BDP1: variants seen among roughly 807,000 people sequenced by gnomAD.
The protein encoded by BDP1 is transcription factor TFIIIB component B'' homolog.
A neutral mutation model predicts 266.6 loss-of-function variants in BDP1; 169 were observed. The ratio of observed to expected loss-of-function variants is 0.63; its 90% CI spans 0.56 to 0.72. The LOEUF is 0.72. BDP1 is among the 30% of genes least tolerant of loss of function. The pLI, the probability that BDP1 is intolerant of heterozygous loss-of-function variation, is 0.00. For missense variants in BDP1, 3,015 were observed against 3,053.8 expected (o/e 0.99, Z 0.30); for synonymous variants, 1,090 against 1,022.4 (o/e 1.07, Z -1.26).
intron 22 of BDP1, among the ~76,000 whole-genome samples, chr5:71,519,826 A>G (rs1765407134): frequency 6.6e-6 from 1 of 152,174 alleles, no homozygotes; most frequent in South Asian, 2.1e-4. Context: ...TTGGACATAC[A>G]CCTGGCAGTA....
intron 15 of BDP1, 128 bp from the exon 16 acceptor site, chr5:71,504,493 A>T: frequency 1.2e-6 from 1 of 803,378 alleles, no homozygotes; most frequent in East Asian, 2.7e-5. Flanking sequence ...CATTAAAAGT[A>T]TTTTAAAGTC....
At chr5:71,489,713 A>G (rs774941182) in intron 10 of BDP1, 31 bp downstream of exon 10, 31 of 1,556,846 alleles carry the variant, frequency 2.0e-5, no homozygotes, top group Non-Finnish European at 2.4e-5. Flanking sequence ...AAAAGCCTCT[A>G]TATTACTTGA....
chr5:71,514,562 A>C (rs916729492), intron 19 of BDP1, among the ~76,000 whole-genome samples: 1 of 152,300 alleles, frequency 6.6e-6, no homozygotes, highest in South Asian at 2.1e-4. Flanking sequence ...TTCCACTTAC[A>C]GTATTGTGAG....
At chr5:71,468,175 C>T (rs578183515) in intron 6 of BDP1, among the ~76,000 whole-genome samples, 81 of 151,894 alleles carry the variant, frequency 5.3e-4, no homozygotes, top group African/African-American at 1.9e-3. Context: ...TCTGCCACCA[C>T]CCCCAGCTAA....
chr5:71,519,310 T>C (rs1165777200), intron 22 of BDP1, among the ~76,000 whole-genome samples: 1 of 152,232 alleles, frequency 6.6e-6, no homozygotes, highest in Non-Finnish European at 1.5e-5. Context: ...CTTTTATCTT[T>C]ATATTGGCAA....
Position 71,562,423 on chromosome 5 carries a change from A to C in BDP1, c.7646A>C (p.Asn2549Thr). The change falls in exon 38 of 39, where the codon AAT becomes ACT. Residue 2549 changes from asparagine to threonine, a missense_variant. Physicochemically the swap from Asn to Thr is moderately conservative, Grantham distance 65. Transcript: ENST00000358731. ...RKKLKRSNPF[N>T]ESQEKNRESS... ...AAATTGAAAAGATCTAATCCATTCA[A>C]TGAAAGCCAGGAAAAAAATCGAGAG... 6.2e-6 allele frequency: 10 copies of C among 1,614,048 alleles called. No individual in the cohort carries two copies. The highest frequency in any genetic ancestry group is 8.5e-6 in the Non-Finnish European group (10 of 1,179,978).
At position 71,557,219 on chromosome 5, in the gene BDP1, G is replaced by A. The variant is rs113542897; in HGVS notation, c.7240+294G>A. 5.1e-3 allele frequency among the ~76,000 whole-genome samples: 770 copies of A among 151,376 alleles called. 8 individuals are homozygous for A. The highest frequency in any genetic ancestry group is 0.017 in the African/African-American group (719 of 41,244). The stretch of plus-strand genomic sequence containing the variant: ...AATGTAATGGCTTTTTTTCTCCCCC[G>A]CCCCGCCAAGACAGGTTCTCACTCT... On this transcript the variant is annotated intron_variant, in intron 36 of 38. Coordinates refer to ENST00000358731, the MANE Select transcript of BDP1 (RefSeq NM_018429.3).
intron 1 of BDP1, 120 bp downstream of exon 1, chr5:71,456,209 T>G: frequency 2.0e-6 from 2 of 975,794 alleles, no homozygotes; most frequent in Non-Finnish European, 3.0e-6. Context: ...AGCCTTTCAG[T>G]TGAGGCTTGA....
At chr5:71,492,369 G>T (rs114197295) in intron 11 of BDP1, among the ~76,000 whole-genome samples, 250 of 152,128 alleles carry the variant, frequency 1.6e-3, no homozygotes, top group African/African-American at 5.6e-3. Context: ...CAATGTACAG[G>T]GTTCCAGTTT....
rs144361319 is a variant in BDP1, at chr5:71,492,510, A to G, written c.1640+1379A>G. Among the ~76,000 whole-genome samples the G allele has an allele frequency of 3.0e-3, 459 of 152,280 alleles. 1 individual carries two copies. Among genetic ancestry groups the G allele is most frequent in the African/African-American group, 0.011 (444 of 41,570 alleles). On this transcript the variant is annotated intron_variant, in intron 11 of 38. Coordinates refer to ENST00000358731, the MANE Select transcript of BDP1 (RefSeq NM_018429.3). The stretch of plus-strand genomic sequence containing the variant: ...ATAATTATTGAGTTGAGCATCTTTC[A>G]TAGCTGTTAGCCATTTGTATATCTT...
intron 2 of BDP1, among the ~76,000 whole-genome samples, chr5:71,459,284 G>A (rs988555376): frequency 6.6e-6 from 1 of 152,190 alleles, no homozygotes; most frequent in African/African-American, 2.4e-5. Flanking sequence ...GGACTAGGGG[G>A]GCAGATCACT....
chr5:71,543,591 T>C (rs1187937997), intron 30 of BDP1, among the ~76,000 whole-genome samples: 1 of 151,896 alleles, frequency 6.6e-6, no homozygotes, highest in African/African-American at 2.4e-5. Context: ...CAAAGAAAAA[T>C]AAAAGGAAGA....
chr5:71,530,449 G>T (rs1461867752), intron 25 of BDP1, among the ~76,000 whole-genome samples: 2 of 151,746 alleles, frequency 1.3e-5, no homozygotes, highest in Non-Finnish European at 2.9e-5. Context: ...TTACCATGTT[G>T]TCCAGGCTGG....
chr5:71,512,479 C>T (rs553566987), intron 18 of BDP1, 51 bp downstream of exon 18: 9 of 1,223,944 alleles, frequency 7.4e-6, no homozygotes, highest in Middle Eastern at 2.9e-4. Flanking sequence ...TTGCAGATTA[C>T]GTTAAACTAA....
At chr5:71,542,365 C>A (rs1032038121) in intron 30 of BDP1, 100 bp downstream of exon 30, 4 of 1,079,476 alleles carry the variant, frequency 3.7e-6, no homozygotes, top group African/African-American at 3.3e-5. Flanking sequence ...TTTTAACTTA[C>A]AATAAAATAG....
At chr5:71,487,834 G>A (rs1763360960) in intron 9 of BDP1, among the ~76,000 whole-genome samples, 2 of 152,322 alleles carry the variant, frequency 1.3e-5, no homozygotes, top group Middle Eastern at 3.4e-3. Flanking sequence ...ATCAGTTAGG[G>A]TGGTAGGAAC....
intron 5 of BDP1, 84 bp from the exon 6 acceptor site, chr5:71,467,270 C>A: frequency 8.5e-7 from 1 of 1,177,796 alleles, no homozygotes; most frequent in Non-Finnish European, 1.2e-6. Flanking sequence ...CATGCTAAAC[C>A]TCAAAATATA....
chr5:71,510,729 G>A lies in BDP1; in HGVS notation c.3637G>A (p.Gly1213Ser), dbSNP rs763234645. Reference sequence around the variant, plus strand: ...AAGAGAAATATCGCCACAGGAAAATGGCCCAGAGGAGGTCAAGCCTGTAGG... The same window carrying A: ...AAGAGAAATATCGCCACAGGAAAATAGCCCAGAGGAGGTCAAGCCTGTAGG... ...TEREISPQEN[G>S]PEEVKPVGKM... is the part of the protein sequence containing the mutation. Residue 1213 changes from glycine to serine, a missense_variant, in exon 17 of 39, where the codon GGC becomes AGC. Physicochemically the swap from Gly to Ser is moderately conservative, Grantham distance 56 (BLOSUM62 0). Around this residue, in one of 3 missense-constraint regions of BDP1, gnomAD observed 2,383 missense variants for 2,404.9 expected, o/e 0.99. Coordinates refer to ENST00000358731, the MANE Select transcript of BDP1 (RefSeq NM_018429.3). The A allele has an allele frequency of 6.2e-7, 1 of 1,614,142 alleles. No homozygotes were observed. The highest frequency in any genetic ancestry group is 8.5e-7 in the Non-Finnish European group (1 of 1,180,016).
rs749214541 is a variant in BDP1, at chr5:71,539,571, A to G, written c.5944A>G (p.Ser1982Gly). The G allele has an allele frequency of 8.1e-6, 13 of 1,611,290 alleles. No individual in the cohort carries two copies. The highest frequency in any genetic ancestry group is 1.0e-5 in the Non-Finnish European group (12 of 1,178,668). Reference sequence around the variant, plus strand: ...TTCCTCACAAGGTACCAATGATGGAAGCACCGAAGCTGCAATAACTTTACT... The same window carrying G: ...TTCCTCACAAGGTACCAATGATGGAGGCACCGAAGCTGCAATAACTTTACT... ...IQDEPGTNDG[S>G]TEAAITLLTM... The change falls in exon 28 of 39, where the codon AGC becomes GGC. Residue 1982 changes from serine (S) to glycine (G), a missense_variant. Around this residue, in one of 3 missense-constraint regions of BDP1, gnomAD observed 2,383 missense variants for 2,404.9 expected, o/e 0.99. Coordinates refer to ENST00000358731, the MANE Select transcript of BDP1 (RefSeq NM_018429.3).
Sources: gnomAD v4.1 joint callset for allele counts (sites outside exome capture counted in the v4.1 genomes callset) on GRCh38, gnomAD v4.1.1 for gene constraint, gnomAD v4.1.1 regional missense constraint, MANE v1.5 for transcripts, NCBI Gene and HGNC (gene_info 2026-07-23, HGNC 2026-07-21) for gene names.